AZIN2: variants seen among roughly 807,000 people sequenced by gnomAD.
AZIN2 encodes the protein antizyme inhibitor 2, also known as ODC antizyme inhibitor-2.
AZIN2 carries 28 observed loss-of-function variants against 47.8 expected under a neutral mutation model. That is an observed-to-expected ratio of 0.59 (90% CI 0.43 to 0.80). The LOEUF (loss-of-function observed/expected upper bound fraction) is 0.80. Ranked by LOEUF, AZIN2 falls within the 30% of genes least tolerant of loss-of-function variation. The pLI is 0.00. For missense variants in AZIN2, 535 were observed against 582.5 expected, an observed-to-expected ratio of 0.92 and a Z score of 0.84; for synonymous variants, 221 against 239.4, an observed-to-expected ratio of 0.92 and a Z score of 0.71.
At chr1:33,161,727 C>A in the AZIN2 span, among the ~76,000 whole-genome samples, 3 of 152,204 alleles carry the variant, frequency 2.0e-5, no homozygotes, top group Non-Finnish European at 4.4e-5. This position sits in a 1 kb window ranked among gnomAD's most constrained non-coding sequence, Gnocchi z 4.3. Context: ...CCTGCACCAC[C>A]TGGAGCTGCC....
At chr1:33,161,713 C>T in the AZIN2 span, among the ~76,000 whole-genome samples, 1 of 152,296 alleles carries the variant, frequency 6.6e-6, no homozygotes, top group East Asian at 1.9e-4. This position sits in a 1 kb window ranked among gnomAD's most constrained non-coding sequence, Gnocchi z 4.3. Context: ...TGGGGTCCGT[C>T]GTCCCTGCAC....
At chr1:33,162,138 A>T in the AZIN2 span, among the ~76,000 whole-genome samples, 102 of 152,288 alleles carry the variant, frequency 6.7e-4, no homozygotes, top group Non-Finnish European at 1.1e-3. Context: ...ATCCTTCTAA[A>T]GTGCCAACTG....
the AZIN2 span, among the ~76,000 whole-genome samples, chr1:33,131,875 G>T: frequency 3.3e-5 from 5 of 152,146 alleles, 1 homozygote; most frequent in South Asian, 1.0e-3. Context: ...GTTAATGAAA[G>T]GTTTGTTTTT....
At chr1:33,109,458 G>C (rs1423127103) in intron 10 of AZIN2, among the ~76,000 whole-genome samples, 3 of 151,680 alleles carry the variant, frequency 2.0e-5, no homozygotes, top group African/African-American at 7.3e-5. Context: ...CCTCTTGAAT[G>C]GCTGGGATTA....
At chr1:33,089,894 C>T (rs894646684) in intron 5 of AZIN2, among the ~76,000 whole-genome samples, 4 of 152,226 alleles carry the variant, frequency 2.6e-5, no homozygotes, top group African/African-American at 4.8e-5. Flanking sequence ...AAAACTGGCT[C>T]TCTCTTCTCT....
intron 10 of AZIN2, among the ~76,000 whole-genome samples, chr1:33,098,428 G>A (rs911969705): frequency 1.3e-5 from 2 of 152,036 alleles, no homozygotes; most frequent in African/African-American, 4.8e-5. Context: ...CATTTATATG[G>A]GGTGTAGCTC....
intron 10 of AZIN2, among the ~76,000 whole-genome samples, chr1:33,114,656 T>TC: frequency 7.0e-6 from 1 of 142,756 alleles, no homozygotes; most frequent in African/African-American, 2.6e-5. Flanking sequence ...ACCCGCCTTT[T>TC]TTTTTTTTTT....
chr1:33,120,140 C>G lies in AZIN2; in HGVS notation c.1341C>G (p.Thr447=), dbSNP rs370434847. The G allele has an allele frequency of 9.9e-6, 16 of 1,613,602 alleles. No homozygotes were observed. In the African/African-American group the frequency reaches 2.1e-4, roughly 22 times the overall value. Residue 447 remains threonine (T), a synonymous_variant, in exon 12 of 12, where the codon ACC becomes ACG. Coordinates refer to ENST00000294517, the MANE Select transcript of AZIN2 (RefSeq NM_052998.4). ...PLSCGWEITD[T]LCVGPVFTPA... Reference sequence around the variant, plus strand: ...CCTGCGGCTGGGAGATCACAGACACCCTGTGCGTGGGCCCTGTCTTCACCC... The same window carrying G: ...CCTGCGGCTGGGAGATCACAGACACGCTGTGCGTGGGCCCTGTCTTCACCC...
At chr1:33,126,673 C>T (rs1243439837), downstream of AZIN2, among the ~76,000 whole-genome samples, 1 of 152,118 alleles carries the variant, frequency 6.6e-6, no homozygotes, top group Non-Finnish European at 1.5e-5. Context: ...CAAGCCAGCT[C>T]CATACACTAG....
At chr1:33,109,083 T>C (rs1644161597) in intron 10 of AZIN2, among the ~76,000 whole-genome samples, 1 of 152,190 alleles carries the variant, frequency 6.6e-6, no homozygotes, top group Non-Finnish European at 1.5e-5. Flanking sequence ...TGTTCAGTGG[T>C]ATTTGTTGTT....
At chr1:33,135,122 C>T in the AZIN2 span, among the ~76,000 whole-genome samples, 2 of 152,252 alleles carry the variant, frequency 1.3e-5, no homozygotes, top group South Asian at 2.1e-4. Flanking sequence ...CCCGTCTCTA[C>T]TAAAAATACA....
At chr1:33,084,646 G>A (rs900672403) in intron 5 of AZIN2, among the ~76,000 whole-genome samples, 6 of 152,032 alleles carry the variant, frequency 3.9e-5, no homozygotes, top group African/African-American at 1.2e-4. Flanking sequence ...ACCCAGGCTG[G>A]AGTGCAGTGT....
At chr1:33,105,307 C>T (rs12073591) in intron 10 of AZIN2, among the ~76,000 whole-genome samples, 3,014 of 152,210 alleles carry the variant, frequency 0.02, 104 homozygotes, top group African/African-American at 0.069. Context: ...TAAATACTGA[C>T]GTGTTAGGTG....
At chr1:33,135,353 C>T in the AZIN2 span, among the ~76,000 whole-genome samples, 1 of 152,168 alleles carries the variant, frequency 6.6e-6, no homozygotes, top group Non-Finnish European at 1.5e-5. Context: ...CAGGCCTTCA[C>T]GCTATTCATG....
chr1:33,120,090 G>A lies in AZIN2; in HGVS notation c.1291G>A (p.Val431Met), dbSNP rs202137380. ...GATGGCTGCAGAACAGGAGGATGAC[G>A]TGGAGGGTGTGTGCAAGCCTCTGTC... is the stretch of plus-strand genomic sequence containing the variant. ...QLMAAEQEDD[V>M]EGVCKPLSCG... The change falls in exon 12 of 12, where the codon GTG (valine) becomes ATG (methionine). Residue 431 changes from valine to methionine, a missense_variant. This residue lies in a region of AZIN2 where 122 missense variants were observed against 135.8 expected (regional missense o/e 0.90). Transcript: ENST00000294517. 50 of 1,614,082 alleles carry A rather than the reference G, an allele frequency of 3.1e-5. No homozygotes were observed. In the East Asian group the frequency reaches 5.6e-4, roughly 18 times the overall value.
chr1:33,129,358 C>T, the AZIN2 span, among the ~76,000 whole-genome samples: 90 of 152,294 alleles, frequency 5.9e-4, no homozygotes, highest in Non-Finnish European at 1.1e-3. This position sits in a 1 kb window ranked among gnomAD's most constrained non-coding sequence, Gnocchi z 4.1. Flanking sequence ...CAAACATTCT[C>T]TTCTGATAAG....
chr1:33,090,041 T>G (rs189243451), intron 5 of AZIN2, among the ~76,000 whole-genome samples: 2 of 152,284 alleles, frequency 1.3e-5, no homozygotes, highest in South Asian at 2.1e-4. Flanking sequence ...TGGCAAGGAC[T>G]GAATAAAAGG....
the AZIN2 span, among the ~76,000 whole-genome samples, chr1:33,166,478 A>G: frequency 2.0e-5 from 3 of 152,146 alleles, no homozygotes; most frequent in Non-Finnish European, 2.9e-5. Flanking sequence ...CGAGGGCTAC[A>G]GTGGGCTGGG....
At chr1:33,146,985 C>T in the AZIN2 span, 32 of 625,208 alleles carry the variant, frequency 5.1e-5, 1 homozygote, top group East Asian at 3.3e-4. Context: ...AGCTACAGAA[C>T]ATCGATGCTG....
Sources: allele counts gnomAD v4.1 joint callset (sites outside exome capture counted in the v4.1 genomes callset), GRCh38; gene constraint gnomAD v4.1.1; regional missense constraint gnomAD v4.1.1; non-coding constraint Gnocchi (gnomAD v3.1); transcripts MANE v1.5; gene names NCBI Gene and HGNC (gene_info 2026-07-23, HGNC 2026-07-21).